The following POLR2D variants were observed in gnomAD, a reference collection of about 807,000 sequenced individuals.
POLR2D encodes the protein RNA polymerase II subunit D.
Under a neutral mutation model 17.6 loss-of-function variants are expected in POLR2D, and 10 were observed. The observed-to-expected ratio is 0.57, with a 90% CI of 0.35 to 0.96. The LOEUF is 0.96. Ranked by LOEUF, POLR2D falls within the 40% of genes least tolerant of loss-of-function variation. The probability of loss-of-function intolerance (pLI) is 0.02; values close to 1 mark genes in which losing one functional copy is unlikely to be tolerated. For synonymous variants in POLR2D, 52 were observed against 60.2 expected, an observed-to-expected ratio of 0.86 and a Z score of 0.63; for missense variants, 126 against 176.4, an observed-to-expected ratio of 0.71 and a Z score of 1.62.
chr2:127,855,001 CAAAAAAAAAAA>C (rs58280789), intron 1 of POLR2D, among the ~76,000 whole-genome samples: 1 of 70,960 alleles, frequency 1.4e-5, no homozygotes, highest in African/African-American at 4.3e-5. Flanking sequence ...GACATCAGGC[CAAAAAAAAAAA>C]AAAAAAAAAG....
chr2:127,851,248 A>C (rs1270350694), intron 2 of POLR2D, among the ~76,000 whole-genome samples: 1 of 151,936 alleles, frequency 6.6e-6, no homozygotes, highest in Non-Finnish European at 1.5e-5. Context: ...AACAAAACCA[A>C]AAAAACAAAA....
chr2:127,855,251 G>A (rs1430835206), intron 1 of POLR2D, among the ~76,000 whole-genome samples: 4 of 151,824 alleles, frequency 2.6e-5, no homozygotes, highest in Non-Finnish European at 4.4e-5. Context: ...AAATTAGTCG[G>A]GAGTGGTGGC....
In POLR2D at chr2:127,852,105, G is replaced by T. The variant is rs190408792; in HGVS notation, c.254+820C>A. On this transcript the variant is annotated intron_variant, in intron 2 of 3. Coordinates refer to ENST00000272645, the MANE Select transcript of POLR2D (RefSeq NM_004805.4). This position sits in a 1 kb window ranked among gnomAD's most constrained non-coding sequence, Gnocchi z 4.0. Reference sequence around the variant, plus strand: ...CACCCGGCCAATCCCAGCACTTTGGGGGGCTAAGGTTGGAGGATCAATTGA... The same window carrying T: ...CACCCGGCCAATCCCAGCACTTTGGTGGGCTAAGGTTGGAGGATCAATTGA... Among the ~76,000 whole-genome samples, 52 of 152,244 alleles carry T rather than the reference G, an allele frequency of 3.4e-4. No homozygotes were observed. Among genetic ancestry groups the T allele is most frequent in the Non-Finnish European group, 6.0e-4 (41 of 68,024 alleles).
At position 127,847,081 on chromosome 2, in the gene POLR2D, T is replaced by C. The variant is rs972777363; in HGVS notation, c.*1026A>G. ...TGGCACGACCATTGCTTCTTCTTTG[T>C]TATCTTGGAGGTGCAGGCCCAAGAA... On this transcript the variant is annotated 3_prime_UTR_variant, in exon 4 of 4. Transcript: ENST00000272645. 6.6e-6 allele frequency: 1 copy of C among 152,636 alleles called. No individual in the cohort carries two copies. Among genetic ancestry groups the C allele is most frequent in the Non-Finnish European group, 1.5e-5 (1 of 68,062 alleles). The allele number at this position is 152,636 out of a possible 1,614,324, so 9.5% of individuals were successfully genotyped here. A position where few individuals can be genotyped will look rare whatever the true frequency, so the allele number is the denominator to read the frequency against.
chr2:127,848,044 C>A lies in POLR2D; in HGVS notation c.*63G>T. Reference sequence around the variant, plus strand: ...AATTTCTGTGCAAGTCAGCCCCAGACAGTGGGAAGGTGGTGTTATGCCTGG... The same window carrying A: ...AATTTCTGTGCAAGTCAGCCCCAGAAAGTGGGAAGGTGGTGTTATGCCTGG... On this transcript the variant is annotated 3_prime_UTR_variant, in exon 4 of 4. Coordinates refer to ENST00000272645, the MANE Select transcript of POLR2D (RefSeq NM_004805.4). The A allele has an allele frequency of 9.2e-7, 1 of 1,083,956 alleles. No homozygotes were observed. 67.1% of individuals were successfully genotyped at this position (1,083,956 alleles called of 1,614,324 possible).
At chr2:127,850,986 C>T (rs923165355) in intron 2 of POLR2D, among the ~76,000 whole-genome samples, 17 of 152,004 alleles carry the variant, frequency 1.1e-4, no homozygotes, top group African/African-American at 3.6e-4. Context: ...TTTGGGAGGC[C>T]GAGGCGGGTG....
Position 127,850,572 on chromosome 2 carries a change from A to G in POLR2D, c.350+18T>C, listed in dbSNP as rs1378893286. 2 of 1,201,548 alleles carry G rather than the reference A, an allele frequency of 1.7e-6. No individual in the cohort carries two copies. The highest frequency in any genetic ancestry group is 2.6e-5 in the South Asian group (2 of 76,818). 74.4% of individuals were successfully genotyped at this position (1,201,548 alleles called of 1,614,324 possible). A position where few individuals can be genotyped will look rare whatever the true frequency, so the allele number is the denominator to read the frequency against. The stretch of plus-strand genomic sequence containing the variant: ...AATTTATCCAGTATACAGAGAACTT[A>G]TCACAACTGGTACTAACCTTGGGAT... On this transcript the variant is annotated intron_variant, in intron 3 of 3. Transcript: ENST00000272645.
At position 127,852,070 on chromosome 2, in the gene POLR2D, T is replaced by C. The variant is rs1384439477; in HGVS notation, c.254+855A>G. Among the ~76,000 whole-genome samples the C allele has an allele frequency of 6.6e-6, 1 of 152,134 alleles. No homozygotes were observed. Among genetic ancestry groups the C allele is most frequent in the Non-Finnish European group, 1.5e-5 (1 of 68,032 alleles). On this transcript the variant is annotated intron_variant, in intron 2 of 3. Coordinates refer to ENST00000272645, the MANE Select transcript of POLR2D (RefSeq NM_004805.4). The surrounding 1 kb of genome is among the most constrained non-coding windows in gnomAD (Gnocchi z 4.0). Reference sequence around the variant, plus strand: ...TCCCAAAGTGCTGGAATTACAGGCATGAGCCACTGCACCCGGCCAATCCCA... The same window carrying C: ...TCCCAAAGTGCTGGAATTACAGGCACGAGCCACTGCACCCGGCCAATCCCA...
At chr2:127,854,878 A>G (rs943739736) in intron 1 of POLR2D, among the ~76,000 whole-genome samples, 2 of 151,912 alleles carry the variant, frequency 1.3e-5, no homozygotes, top group Non-Finnish European at 2.9e-5. Context: ...AATCCTTAAC[A>G]CTGAGGCAGT....
In POLR2D at chr2:127,844,856, G is replaced by T. The variant is rs1042475799; in HGVS notation, c.*3251C>A. 1.3e-5 allele frequency: 2 copies of T among 152,126 alleles called. No homozygotes were observed. The highest frequency in any genetic ancestry group is 2.9e-5 in the Non-Finnish European group (2 of 68,060). 9.4% of individuals were successfully genotyped at this position (152,126 alleles called of 1,614,324 possible). On this transcript the variant is annotated 3_prime_UTR_variant, in exon 4 of 4. Coordinates refer to ENST00000272645, the MANE Select transcript of POLR2D (RefSeq NM_004805.4). ...TTTAGTAGAGACAGGGTTTCACAACGTTGGCCAGGCTGGTCTCGAACTTCT... is the reference window on the plus strand; with the variant it reads ...TTTAGTAGAGACAGGGTTTCACAACTTTGGCCAGGCTGGTCTCGAACTTCT...
chr2:127,848,210 G>A (rs1278232617), intron 3 of POLR2D, 25 bp from the exon 4 acceptor site: 7 of 1,504,580 alleles, frequency 4.7e-6, no homozygotes, highest in Non-Finnish European at 6.4e-6. Context: ...AAAGAAATGA[G>A]TGATTTGGCG....
chr2:127,851,123 G>C (rs1248656339), intron 2 of POLR2D, among the ~76,000 whole-genome samples: 3 of 152,148 alleles, frequency 2.0e-5, no homozygotes, highest in African/African-American at 7.2e-5. Context: ...GGCTGAGGCA[G>C]GAGAATTGCT....
At chr2:127,851,373 C>T (rs542281410) in intron 2 of POLR2D, among the ~76,000 whole-genome samples, 2 of 152,052 alleles carry the variant, frequency 1.3e-5, no homozygotes, top group South Asian at 2.1e-4. Flanking sequence ...GAGCCAAGAC[C>T]GCACCACTAC....
chr2:127,854,192 G>A (rs908930986), intron 1 of POLR2D, among the ~76,000 whole-genome samples: 5 of 152,210 alleles, frequency 3.3e-5, no homozygotes, highest in Middle Eastern at 3.4e-3. Flanking sequence ...GAAACCCATG[G>A]CCCCTTTTCA....
chr2:127,853,517 G>A (rs774174964), intron 1 of POLR2D, among the ~76,000 whole-genome samples: 1 of 152,104 alleles, frequency 6.6e-6, no homozygotes, highest in Non-Finnish European at 1.5e-5. Flanking sequence ...ATGGCCTCCA[G>A]CTCCATCCAT....
intron 1 of POLR2D, among the ~76,000 whole-genome samples, chr2:127,853,717 CCT>C (rs1690285782): frequency 6.6e-6 from 1 of 152,116 alleles, no homozygotes; most frequent in South Asian, 2.1e-4. Context: ...GCCACCACAC[CCT>C]GTGTGTTGTT....
At chr2:127,856,493 G>A (rs1430911886) in intron 1 of POLR2D, among the ~76,000 whole-genome samples, 1 of 151,164 alleles carries the variant, frequency 6.6e-6, no homozygotes, top group East Asian at 1.9e-4. Context: ...GGGAGGCTGA[G>A]GCAGGATGGC....
intron 1 of POLR2D, 122 bp downstream of exon 1, chr2:127,857,906 C>A: frequency 7.1e-7 from 1 of 1,412,898 alleles, no homozygotes; most frequent in South Asian, 1.5e-5. Flanking sequence ...CCCAGCCCCA[C>A]GCCGCGCTGG....
intron 1 of POLR2D, chr2:127,857,164 T>C (rs78548821): frequency 6.6e-6 from 1 of 152,012 alleles, no homozygotes; most frequent in African/African-American, 2.4e-5. Flanking sequence ...AAAATTTTTT[T>C]AATGGGCCAG....
Sources: allele counts gnomAD v4.1 joint callset (sites outside exome capture counted in the v4.1 genomes callset), GRCh38; gene constraint gnomAD v4.1.1; non-coding constraint Gnocchi (gnomAD v3.1); transcripts MANE v1.5; gene names NCBI Gene and HGNC (gene_info 2026-07-23, HGNC 2026-07-21).